PTPRT: variants seen among roughly 807,000 people sequenced by gnomAD.
PTPRT encodes receptor-type tyrosine-protein phosphatase T.
In PTPRT, 56 loss-of-function variants were observed where a neutral mutation model predicts 176.8. The observed-to-expected ratio is 0.32, with a 90% CI of 0.26 to 0.40. PTPRT has a LOEUF of 0.40. PTPRT is among the 10% of genes least tolerant of loss of function. The pLI, the probability that PTPRT is intolerant of heterozygous loss-of-function variation, is 1.00. For missense variants in PTPRT, 1,540 were observed against 1,908.2 expected (o/e 0.81, Z 3.60); for synonymous variants, 783 against 739.0 (o/e 1.06, Z -0.96).
intron 1 of PTPRT, among the ~76,000 whole-genome samples, chr20:43,162,436 G>T (rs1033938859): frequency 6.6e-6 from 1 of 152,128 alleles, no homozygotes; most frequent in Non-Finnish European, 1.5e-5. Context: ...TTTCTCAGTG[G>T]AACCAGCATC....
intron 1 of PTPRT, among the ~76,000 whole-genome samples, chr20:43,015,272 T>C (rs1985314447): frequency 6.6e-6 from 1 of 152,192 alleles, no homozygotes; most frequent in Non-Finnish European, 1.5e-5. Context: ...TTATGTACTC[T>C]CTCCTCCTTG....
intron 1 of PTPRT, among the ~76,000 whole-genome samples, chr20:43,165,009 T>C (rs1385852411): frequency 2.0e-5 from 3 of 152,162 alleles, no homozygotes; most frequent in Non-Finnish European, 4.4e-5. Flanking sequence ...TCTTGAATTG[T>C]AGCTCTCATA....
intron 9 of PTPRT, among the ~76,000 whole-genome samples, chr20:42,409,366 C>T (rs2058990726): frequency 1.3e-5 from 2 of 151,548 alleles, no homozygotes; most frequent in Admixed American, 1.3e-4. Flanking sequence ...CCTGTAGTCC[C>T]AGCTACTCAG....
intron 7 of PTPRT, among the ~76,000 whole-genome samples, chr20:42,476,177 AT>A (rs1164070724): frequency 1.3e-5 from 2 of 152,354 alleles, no homozygotes; most frequent in East Asian, 3.9e-4. Flanking sequence ...TTTAGAGAGA[AT>A]TGCCTTTCTT....
chr20:42,900,094 G>C (rs780035918), intron 1 of PTPRT, among the ~76,000 whole-genome samples: 17 of 152,200 alleles, frequency 1.1e-4, no homozygotes, highest in Non-Finnish European at 2.1e-4. Context: ...AATGGCCAGA[G>C]ATATTCCGCA....
chr20:42,208,512 G>A (rs1302231869), intron 15 of PTPRT, among the ~76,000 whole-genome samples: 4 of 151,966 alleles, frequency 2.6e-5, no homozygotes, highest in African/African-American at 4.8e-5. Flanking sequence ...TGATAAAACC[G>A]ACTTTAAACC....
chr20:42,356,419 G>A (rs926806498), intron 9 of PTPRT, among the ~76,000 whole-genome samples: 4 of 152,150 alleles, frequency 2.6e-5, no homozygotes, highest in Admixed American at 1.3e-4. Context: ...CCCAGGCTGA[G>A]CACAGTGGCT....
At chr20:42,838,365 G>A (rs1401609840) in intron 2 of PTPRT, among the ~76,000 whole-genome samples, 1 of 152,216 alleles carries the variant, frequency 6.6e-6, no homozygotes, top group African/African-American at 2.4e-5. Flanking sequence ...CCAGTCTGTT[G>A]CCTAAGGACA....
chr20:43,015,915 T>C (rs995261089), intron 1 of PTPRT, among the ~76,000 whole-genome samples: 4 of 143,538 alleles, frequency 2.8e-5, no homozygotes, highest in East Asian at 2.0e-4. Context: ...GAAAGGTTCA[T>C]AGAATAAGAA....
chr20:42,973,208 C>A (rs1450724189), intron 1 of PTPRT, among the ~76,000 whole-genome samples: 1 of 151,896 alleles, frequency 6.6e-6, no homozygotes, highest in Non-Finnish European at 1.5e-5. Flanking sequence ...TGGATACCAC[C>A]TAGATTTGTG....
chr20:42,976,293 T>C (rs1387204620), intron 1 of PTPRT, among the ~76,000 whole-genome samples: 5 of 152,194 alleles, frequency 3.3e-5, no homozygotes, highest in Non-Finnish European at 7.3e-5. Context: ...GATACCTAAC[T>C]GTATAAGTTT....
chr20:42,571,889 C>A (rs994426279), intron 7 of PTPRT, among the ~76,000 whole-genome samples: 1 of 152,230 alleles, frequency 6.6e-6, no homozygotes, highest in Non-Finnish European at 1.5e-5. Context: ...CTCTTGGCAG[C>A]CACAGCTTGT....
intron 1 of PTPRT, among the ~76,000 whole-genome samples, chr20:43,112,463 G>A (rs1036929265): frequency 3.3e-5 from 5 of 152,070 alleles, no homozygotes; most frequent in African/African-American, 1.2e-4. Flanking sequence ...TCTGTTGCAT[G>A]TTACGTAATA....
intron 22 of PTPRT, among the ~76,000 whole-genome samples, chr20:42,113,617 TG>T (rs771470389): frequency 6.6e-4 from 100 of 152,338 alleles, no homozygotes; most frequent in Non-Finnish European, 1.2e-3. Flanking sequence ...AGTTTATCCT[TG>T]GAGGTTCCCT....
chr20:42,622,347 T>C (rs944105428), intron 7 of PTPRT, among the ~76,000 whole-genome samples: 1 of 152,012 alleles, frequency 6.6e-6, no homozygotes, highest in African/African-American at 2.4e-5. Flanking sequence ...GTTCATGCCA[T>C]TCTCCTGCCT....
At chr20:42,444,922 A>G (rs1011741061) in intron 9 of PTPRT, among the ~76,000 whole-genome samples, 3 of 152,212 alleles carry the variant, frequency 2.0e-5, no homozygotes, top group African/African-American at 7.2e-5. Flanking sequence ...TTGAGCCCAG[A>G]GTAACAGTTA....
intron 11 of PTPRT, among the ~76,000 whole-genome samples, chr20:42,322,748 A>C (rs1431920471): frequency 6.6e-6 from 1 of 152,044 alleles, no homozygotes; most frequent in Non-Finnish European, 1.5e-5. Context: ...CAAAAGCCAA[A>C]ATTGGCAAAT....
intron 1 of PTPRT, among the ~76,000 whole-genome samples, chr20:42,900,072 T>A (rs2079375469): frequency 6.6e-6 from 1 of 152,156 alleles, no homozygotes; most frequent in South Asian, 2.1e-4. Context: ...CACCCAAATA[T>A]CACAGCTGGG....
At chr20:42,152,179 C>T (rs1275900974) in intron 17 of PTPRT, among the ~76,000 whole-genome samples, 3 of 152,328 alleles carry the variant, frequency 2.0e-5, no homozygotes, top group Admixed American at 6.5e-5. Context: ...GACAGGTGCA[C>T]CTTTTGTTAT....
Sources: allele counts gnomAD v4.1 joint callset (sites outside exome capture counted in the v4.1 genomes callset), GRCh38; gene constraint gnomAD v4.1.1; transcripts MANE v1.5; gene names NCBI Gene and HGNC (gene_info 2026-07-23, HGNC 2026-07-21).